Variants in NUCKS1 observed in about 807,000 individuals in gnomAD.
NUCKS1 encodes nuclear casein kinase and cyclin dependent kinase substrate 1.
Under a neutral mutation model 33.0 loss-of-function variants are expected in NUCKS1, and 2 were observed. The ratio of observed to expected loss-of-function variants is 0.06; its 90% CI spans 0.02 to 0.19. The LOEUF (loss-of-function observed/expected upper bound fraction) is 0.19. Ranked by LOEUF, NUCKS1 falls within the 10% of genes least tolerant of loss-of-function variation. NUCKS1 has a pLI of 1.00. For synonymous variants in NUCKS1, 106 were observed against 102.8 expected, an observed-to-expected ratio of 1.03 and a Z score of -0.19; for missense variants, 201 against 293.6, an observed-to-expected ratio of 0.68 and a Z score of 2.31.
chr1:205,740,474 G>A (rs1042212741), intron 1 of NUCKS1, among the ~76,000 whole-genome samples: 1 of 151,908 alleles, frequency 6.6e-6, no homozygotes, highest in African/African-American at 2.4e-5. Context: ...AATTAGCCAG[G>A]TGTGGTGGCG....
At chr1:205,738,404 C>T (rs1207042907) in intron 1 of NUCKS1, among the ~76,000 whole-genome samples, 1 of 151,318 alleles carries the variant, frequency 6.6e-6, no homozygotes, top group East Asian at 1.9e-4. Flanking sequence ...CTCCAGAGTA[C>T]CCAGGACTAG....
rs181641472 is a variant in NUCKS1 at position 205,716,752 on chromosome 1, A to C, written c.*1528T>G. On this transcript the variant is annotated 3_prime_UTR_variant, in exon 7 of 7. Transcript: ENST00000367142. The stretch of plus-strand genomic sequence containing the variant: ...ATTTATTAGCATACCAGGACCCTTT[A>C]AACCTTGTTCCCATTAGCGCCTGGT... The C allele has an allele frequency of 5.3e-5, 8 of 152,320 alleles. No individual in the cohort carries two copies. The highest frequency in any genetic ancestry group is 5.2e-4 in the Admixed American group (8 of 15,286). The allele number at this position is 152,320 out of a possible 1,614,324, so 9.4% of individuals were successfully genotyped here. A position where few individuals can be genotyped will look rare whatever the true frequency, so the allele number is the denominator to read the frequency against.
intron 1 of NUCKS1, among the ~76,000 whole-genome samples, chr1:205,741,619 C>T (rs571355241): frequency 6.6e-6 from 1 of 152,230 alleles, no homozygotes; most frequent in Non-Finnish European, 1.5e-5. Flanking sequence ...CAATGAAGGA[C>T]AAGCACATCA....
intron 4 of NUCKS1, among the ~76,000 whole-genome samples, chr1:205,722,392 G>A (rs557460863): frequency 6.6e-6 from 1 of 152,130 alleles, no homozygotes; most frequent in Non-Finnish European, 1.5e-5. Flanking sequence ...GAGTAGCTGG[G>A]ATTACAGGCA....
intron 3 of NUCKS1, among the ~76,000 whole-genome samples, chr1:205,726,823 A>T (rs1312022670): frequency 6.6e-6 from 1 of 152,228 alleles, no homozygotes; most frequent in Admixed American, 6.5e-5. Context: ...CACATAATAA[A>T]CAGTAGCCAT....
In NUCKS1 at chr1:205,717,193, A is replaced by G; in HGVS notation, c.*1087T>C. On this transcript the variant is annotated 3_prime_UTR_variant, in exon 7 of 7. Coordinates refer to ENST00000367142, the MANE Select transcript of NUCKS1 (RefSeq NM_022731.5). The stretch of plus-strand genomic sequence containing the variant: ...AAGAAAATGTTCTATCCCCAAATAA[A>G]AGCAGAGCATGGTTAATGGGACCTG... The G allele has an allele frequency of 2.3e-6, 1 of 435,844 alleles. No individual in the cohort carries two copies. Among genetic ancestry groups the G allele is most frequent in the Non-Finnish European group, 3.1e-6 (1 of 326,806 alleles). The allele number at this position is 435,844 out of a possible 1,614,324, so 27.0% of individuals were successfully genotyped here.
At chr1:205,727,847 A>G in intron 2 of NUCKS1, 42 bp from the exon 3 acceptor site, 2 of 1,332,598 alleles carry the variant, frequency 1.5e-6, no homozygotes, top group Non-Finnish European at 1.1e-6. Context: ...TGATTTTTAC[A>G]TGTTAAAATC....
intron 1 of NUCKS1, among the ~76,000 whole-genome samples, chr1:205,749,748 G>T (rs887022362): frequency 6.6e-6 from 1 of 151,248 alleles, no homozygotes; most frequent in African/African-American, 2.4e-5. Context: ...AGCGGCGCGG[G>T]GCGGGGAGGG....
chr1:205,739,463 C>T (rs1038057596), intron 1 of NUCKS1, among the ~76,000 whole-genome samples: 2 of 152,132 alleles, frequency 1.3e-5, no homozygotes, highest in Non-Finnish European at 2.9e-5. Context: ...TGCCTGAACA[C>T]AACTCAAATT....
intron 1 of NUCKS1, among the ~76,000 whole-genome samples, chr1:205,746,742 A>T (rs1292685031): frequency 6.6e-6 from 1 of 152,228 alleles, no homozygotes; most frequent in African/African-American, 2.4e-5. Context: ...AACACTACTT[A>T]TAAACATGAC....
At chr1:205,731,514 C>G (rs1024006842) in intron 1 of NUCKS1, among the ~76,000 whole-genome samples, 2 of 152,120 alleles carry the variant, frequency 1.3e-5, no homozygotes, top group African/African-American at 2.4e-5. Context: ...TGTTAGTACC[C>G]AAACAGCCTA....
intron 1 of NUCKS1, among the ~76,000 whole-genome samples, chr1:205,740,821 G>GTATATATA (rs10535162): frequency 2.8e-5 from 4 of 145,262 alleles, no homozygotes; most frequent in African/African-American, 1.0e-4. Flanking sequence ...CTCCTACTAA[G>GTATATATA]TATATATATA....
intron 1 of NUCKS1, among the ~76,000 whole-genome samples, chr1:205,732,519 A>G (rs1018135802): frequency 3.3e-5 from 5 of 152,320 alleles, no homozygotes; most frequent in Admixed American, 2.6e-4. Flanking sequence ...ACAGTGGCTC[A>G]TGCCTGTAAT....
chr1:205,729,606 A>T lies in NUCKS1; in HGVS notation c.33T>A (p.Val11=). The T allele has an allele frequency of 6.2e-7, 1 of 1,612,278 alleles. No homozygotes were observed. Residue 11 remains valine (V), a synonymous_variant, in exon 2 of 7, where the codon GTT becomes GTA. Coordinates refer to ENST00000367142, the MANE Select transcript of NUCKS1 (RefSeq NM_022731.5). The stretch of plus-strand genomic sequence containing the variant: ...CAGATTCCTGAAACTGTGAGTAATC[A>T]ACAACCTTCCTATTTCTGTAGAAAG... MSRPVRNRKV[V]DYSQFQESDD...
Position 205,719,547 on chromosome 1 carries a change from T to C in NUCKS1, c.512A>G (p.Lys171Arg). 6.2e-7 allele frequency: 1 copy of C among 1,608,168 alleles called. No individual in the cohort carries two copies. Among genetic ancestry groups the C allele is most frequent in the Non-Finnish European group, 8.5e-7 (1 of 1,178,830 alleles). ...KPERKEKKMP[K>R]PRLKATVTPS... is the part of the protein sequence containing the mutation. ...ATTACCTGTAGCCTTTAGTCTGGGT[T>C]TGGGCATTTTCTTTTCTTTTCTTTC... Residue 171 changes from lysine to arginine, a missense_variant, in exon 6 of 7, where the codon AAA becomes AGA. Lys to Arg is a conservative substitution (Grantham distance 26). Coordinates refer to ENST00000367142, the MANE Select transcript of NUCKS1 (RefSeq NM_022731.5).
intron 3 of NUCKS1, among the ~76,000 whole-genome samples, chr1:205,725,853 A>T (rs1259007303): frequency 6.6e-6 from 1 of 152,236 alleles, no homozygotes; most frequent in African/African-American, 2.4e-5. Flanking sequence ...GGTCTTTCCT[A>T]GGAGAAATAA....
intron 1 of NUCKS1, among the ~76,000 whole-genome samples, chr1:205,749,210 G>A (rs1317335437): frequency 1.3e-5 from 2 of 152,244 alleles, no homozygotes; most frequent in Admixed American, 6.5e-5. Flanking sequence ...CCCCGAGGAA[G>A]GACATTTCTA....
At chr1:205,747,270 C>CATTAAACTAGGTTTA in intron 1 of NUCKS1, among the ~76,000 whole-genome samples, 1 of 152,264 alleles carries the variant, frequency 6.6e-6, no homozygotes, top group Middle Eastern at 3.4e-3. Context: ...TCCAGGTCCC[C>CATTAAACTAGGTTTA]ATTAAACTAG....
chr1:205,719,454 A>G (rs1671883479), intron 6 of NUCKS1, 73 bp downstream of exon 6: 1 of 1,466,532 alleles, frequency 6.8e-7, no homozygotes, highest in Non-Finnish European at 9.2e-7. Flanking sequence ...CTAATGAGGA[A>G]TTTCTGTATT....
Sources: allele counts gnomAD v4.1 joint callset (sites outside exome capture counted in the v4.1 genomes callset), GRCh38; gene constraint gnomAD v4.1.1; transcripts MANE v1.5; gene names NCBI Gene and HGNC (gene_info 2026-07-23, HGNC 2026-07-21).